Variants in DLG2 observed in about 807,000 individuals in gnomAD.
DLG2 encodes disks large homolog 2.
DLG2 carries 45 observed loss-of-function variants against 132.5 expected under a neutral mutation model. The ratio of observed to expected loss-of-function variants is 0.34; its 90% confidence interval spans 0.27 to 0.44. The LOEUF (loss-of-function observed/expected upper bound fraction) is 0.44, where lower values mean the gene tolerates loss of function less well. Ranked by LOEUF, DLG2 falls within the 20% of genes least tolerant of loss-of-function variation. The probability of loss-of-function intolerance (pLI) is 1.00; values close to 1 mark genes in which losing one functional copy is unlikely to be tolerated. For synonymous variants in DLG2, 424 were observed against 419.6 expected (o/e 1.01, Z -0.13); for missense variants, 1,045 against 1,196.9 (o/e 0.87, Z 1.87).
chr11:84,154,524 G>A (rs529363341), intron 9 of DLG2, among the ~76,000 whole-genome samples: 1 of 152,232 alleles, frequency 6.6e-6, no homozygotes, highest in East Asian at 1.9e-4. Context: ...AATACTTTAA[G>A]TTCTAGGGTA....
At chr11:84,771,438 C>T (rs1343267906) in intron 6 of DLG2, among the ~76,000 whole-genome samples, 2 of 152,278 alleles carry the variant, frequency 1.3e-5, no homozygotes, top group East Asian at 3.9e-4. Flanking sequence ...CTGTTCATAT[C>T]TTTTGCTCAC....
At chr11:83,823,982 T>G (rs549980322) in intron 17 of DLG2, among the ~76,000 whole-genome samples, 1 of 152,294 alleles carries the variant, frequency 6.6e-6, no homozygotes, top group South Asian at 2.1e-4. Context: ...AGAAAGAGCA[T>G]AGCTTTGAAA....
At chr11:85,250,868 T>C (rs148962889) in intron 4 of DLG2, among the ~76,000 whole-genome samples, 1 of 152,330 alleles carries the variant, frequency 6.6e-6, no homozygotes, top group East Asian at 1.9e-4. Flanking sequence ...AAAAAATATA[T>C]ATTTTAACTA....
Position 84,822,700 on chromosome 11 carries a change from G to A in DLG2, c.358-287969C>T, listed in dbSNP as rs1040689377. ...ACTACATTGTATTTTCTTATGGAGA[G>A]AGAAGGACTGGTCTTTGGAAACCTT... is the stretch of plus-strand genomic sequence containing the variant. On this transcript the variant is annotated intron_variant, in intron 6 of 27. Transcript: ENST00000376104. Among the ~76,000 whole-genome samples, 54 of 151,902 alleles carry A rather than the reference G, an allele frequency of 3.6e-4. 1 individual carries two copies. The highest frequency in any genetic ancestry group is 1.4e-3 in the Admixed American group (21 of 15,224).
chr11:84,609,318 T>C (rs1382369089), intron 6 of DLG2, among the ~76,000 whole-genome samples: 3 of 152,176 alleles, frequency 2.0e-5, no homozygotes, highest in African/African-American at 7.2e-5. Context: ...AATGAGTTAA[T>C]ACCTATAAAG....
At chr11:84,855,907 G>C (rs1354915566) in intron 6 of DLG2, among the ~76,000 whole-genome samples, 7 of 151,956 alleles carry the variant, frequency 4.6e-5, no homozygotes, top group Admixed American at 1.3e-4. Context: ...AAATTTCATA[G>C]AACCACAGAA....
chr11:85,075,403 T>A (rs1433265098), intron 6 of DLG2, among the ~76,000 whole-genome samples: 3 of 151,852 alleles, frequency 2.0e-5, no homozygotes, highest in Non-Finnish European at 4.4e-5. Flanking sequence ...AGAAGCAATC[T>A]AAATATTTAA....
chr11:83,523,289 A>G (rs2095529153), intron 21 of DLG2, among the ~76,000 whole-genome samples: 1 of 152,246 alleles, frequency 6.6e-6, no homozygotes, highest in Admixed American at 6.5e-5. Context: ...AAGATTTAAC[A>G]AAAGCTCAGT....
intron 3 of DLG2, among the ~76,000 whole-genome samples, chr11:85,518,134 C>T (rs1191700448): frequency 1.3e-5 from 2 of 152,050 alleles, no homozygotes; most frequent in African/African-American, 4.8e-5. Context: ...AAATTGATAC[C>T]AGCAGAGTGG....
At chr11:83,816,098 A>C (rs978973223) in intron 17 of DLG2, among the ~76,000 whole-genome samples, 5 of 152,098 alleles carry the variant, frequency 3.3e-5, no homozygotes, top group African/African-American at 1.2e-4. Flanking sequence ...CCTTAATCCT[A>C]TTCTGTGGCT....
intron 6 of DLG2, among the ~76,000 whole-genome samples, chr11:84,746,365 T>C (rs190276302): frequency 6.6e-6 from 1 of 152,220 alleles, no homozygotes; most frequent in East Asian, 1.9e-4. Context: ...ATTAATATGC[T>C]GTATTATTTT....
At chr11:83,823,550 A>G (rs1360233337) in intron 17 of DLG2, among the ~76,000 whole-genome samples, 1 of 152,184 alleles carries the variant, frequency 6.6e-6, no homozygotes, top group Non-Finnish European at 1.5e-5. Context: ...CTGAATCTTC[A>G]GGACAGAAGG....
chr11:84,631,614 C>A (rs901006683), intron 6 of DLG2, among the ~76,000 whole-genome samples: 1 of 152,076 alleles, frequency 6.6e-6, no homozygotes, highest in Non-Finnish European at 1.5e-5. Flanking sequence ...AGGATCTCAG[C>A]ACCAAGACGA....
intron 8 of DLG2, among the ~76,000 whole-genome samples, chr11:84,233,091 C>G (rs1021528734): frequency 1.3e-5 from 2 of 152,104 alleles, no homozygotes; most frequent in Admixed American, 1.3e-4. Context: ...ATTTTGAGAA[C>G]TAATTAAAGT....
chr11:85,089,239 G>A (rs942042440), intron 6 of DLG2, among the ~76,000 whole-genome samples: 2 of 151,956 alleles, frequency 1.3e-5, no homozygotes, highest in Admixed American at 6.6e-5. Flanking sequence ...TCCAGGTAGT[G>A]ACTGCAGTAC....
At chr11:83,513,123 G>A (rs187298945) in intron 21 of DLG2, among the ~76,000 whole-genome samples, 1 of 152,160 alleles carries the variant, frequency 6.6e-6, no homozygotes, top group Non-Finnish European at 1.5e-5. Flanking sequence ...TTTCCACAAT[G>A]GTTGAACCAG....
At chr11:84,228,254 G>T (rs2097035750) in intron 8 of DLG2, among the ~76,000 whole-genome samples, 1 of 152,112 alleles carries the variant, frequency 6.6e-6, no homozygotes, top group South Asian at 2.1e-4. Flanking sequence ...GTCAATCATG[G>T]CTGTTTTAAC....
intron 6 of DLG2, among the ~76,000 whole-genome samples, chr11:84,976,917 A>T (rs943423085): frequency 1.3e-5 from 2 of 152,174 alleles, no homozygotes; most frequent in African/African-American, 4.8e-5. Flanking sequence ...CCTGTTTTAC[A>T]TTCATTAGTA....
chr11:85,159,955 A>G (rs1298387317), intron 4 of DLG2, among the ~76,000 whole-genome samples: 1 of 152,194 alleles, frequency 6.6e-6, no homozygotes, highest in East Asian at 1.9e-4. Context: ...AACACACTGG[A>G]CTTATTGGTG....
Sources: gnomAD v4.1 joint callset for allele counts (sites outside exome capture counted in the v4.1 genomes callset) on GRCh38, gnomAD v4.1.1 for gene constraint, MANE v1.5 for transcripts, NCBI Gene and HGNC (gene_info 2026-07-23, HGNC 2026-07-21) for gene names.